Variants in SCN8A observed in about 807,000 individuals in gnomAD.
SCN8A encodes sodium channel protein type 8 subunit alpha.
In SCN8A, 30 loss-of-function variants were observed where a neutral mutation model predicts 184.1. The observed-to-expected ratio is 0.16, with a 90% CI of 0.12 to 0.22. SCN8A has a LOEUF of 0.22. Among genes scored for constraint, SCN8A ranks in the 10% least tolerant of loss-of-function variants. SCN8A has a pLI of 1.00. For synonymous variants in SCN8A, 852 were observed against 907.0 expected (o/e 0.94, Z 1.09); for missense variants, 1,057 against 2,498.9 (o/e 0.42, Z 12.30).
rs1311797709 is a variant in SCN8A, at chr12:51,591,251, G to T, written c.-163G>T. On this transcript the variant is annotated 5_prime_UTR_variant, in exon 1 of 27. Transcript: ENST00000627620. ...CGGGCGCGGGGAGCGCTCCAAGATGGCGCCCACCGCAGTCCCGCCCGCCGC... is the reference window on the plus strand; with the variant it reads ...CGGGCGCGGGGAGCGCTCCAAGATGTCGCCCACCGCAGTCCCGCCCGCCGC... The T allele has an allele frequency of 6.6e-6, 1 of 152,028 alleles. No homozygotes were observed. The highest frequency in any genetic ancestry group is 1.5e-5 in the Non-Finnish European group (1 of 67,866). 9.4% of individuals were successfully genotyped at this position (152,028 alleles called of 1,614,324 possible). A position where few individuals can be genotyped will look rare whatever the true frequency, so the allele number is the denominator to read the frequency against.
At chr12:51,788,594 C>G in intron 22 of SCN8A, 101 bp from the exon 23 acceptor site, 2 of 784,770 alleles carry the variant, frequency 2.5e-6, no homozygotes, top group Non-Finnish European at 1.9e-6. Flanking sequence ...AACCCCTGTT[C>G]TGTGTTCTCA....
intron 1 of SCN8A, among the ~76,000 whole-genome samples, chr12:51,631,688 G>A (rs974593445): frequency 6.6e-6 from 1 of 152,174 alleles, no homozygotes; most frequent in Non-Finnish European, 1.5e-5. Flanking sequence ...GATCTCTGGT[G>A]GTAAAGACCC....
At chr12:51,697,341 A>G (rs1159216543) in intron 6 of SCN8A, among the ~76,000 whole-genome samples, 1 of 152,116 alleles carries the variant, frequency 6.6e-6, no homozygotes, top group East Asian at 1.9e-4. Context: ...CTTTTAAGAT[A>G]TTTGTGTAAG....
Position 51,807,520 on chromosome 12 carries a change from C to A in SCN8A, c.*91C>A. ...CCTGAATATTATCAATGCAGAACAG[C>A]TGTGGAGACTCTAACCTGAAGATCT... On this transcript the variant is annotated 3_prime_UTR_variant, in exon 27 of 27. Transcript: ENST00000627620. The surrounding 1 kb of genome is among the most constrained non-coding windows in gnomAD (Gnocchi z 4.5). 1 of 1,303,522 alleles carries A rather than the reference C, an allele frequency of 7.7e-7. No homozygotes were observed. Among genetic ancestry groups the A allele is most frequent in the Non-Finnish European group, 1.1e-6 (1 of 926,548 alleles). The allele number at this position is 1,303,522 out of a possible 1,614,324, so 80.7% of individuals were successfully genotyped here. A position where few individuals can be genotyped will look rare whatever the true frequency, so the allele number is the denominator to read the frequency against.
At chr12:51,596,315 G>A (rs1010467148) in intron 1 of SCN8A, among the ~76,000 whole-genome samples, 7 of 152,128 alleles carry the variant, frequency 4.6e-5, no homozygotes, top group African/African-American at 1.4e-4. Flanking sequence ...TCTATCAGTC[G>A]ATTGAGAAGG....
At chr12:51,655,555 G>A (rs1940806047) in intron 1 of SCN8A, among the ~76,000 whole-genome samples, 1 of 151,802 alleles carries the variant, frequency 6.6e-6, no homozygotes, top group Non-Finnish European at 1.5e-5. Flanking sequence ...TTTACTTTTT[G>A]TAGAGATGGT....
intron 1 of SCN8A, among the ~76,000 whole-genome samples, chr12:51,633,869 T>A (rs1028023594): frequency 6.6e-6 from 1 of 152,376 alleles, no homozygotes; most frequent in East Asian, 1.9e-4. Flanking sequence ...GTCTTATTTT[T>A]AAAAATATTT....
intron 1 of SCN8A, among the ~76,000 whole-genome samples, chr12:51,647,756 CGTT>C (rs1397268908): frequency 4.6e-5 from 7 of 152,170 alleles, no homozygotes; most frequent in Non-Finnish European, 8.8e-5. Flanking sequence ...CGTAGCATCT[CGTT>C]GTCATTGGAG....
In SCN8A at chr12:51,810,287, C is replaced by T; in HGVS notation, c.*2858C>T. On this transcript the variant is annotated 3_prime_UTR_variant, in exon 27 of 27. Coordinates refer to ENST00000627620, the MANE Select transcript of SCN8A (RefSeq NM_001330260.2). ...AAATGTTTCCCACCTTTTTATCCTT[C>T]ACCCACTGTCCTTCCACCTGCTCAC... The T allele has an allele frequency of 3.9e-6, 1 of 258,994 alleles. No individual in the cohort carries two copies. Among genetic ancestry groups the T allele is most frequent in the South Asian group, 3.0e-5 (1 of 32,954 alleles). The allele number at this position is 258,994 out of a possible 1,614,324, so 16.0% of individuals were successfully genotyped here.
intron 12 of SCN8A, among the ~76,000 whole-genome samples, chr12:51,729,037 T>G (rs1271648065): frequency 1.3e-5 from 2 of 152,222 alleles, no homozygotes; most frequent in Non-Finnish European, 2.9e-5. Context: ...GCGGACTTCC[T>G]CAGTATAGCA....
At chr12:51,689,134 C>A in intron 6 of SCN8A, 38 bp downstream of exon 6, 1 of 1,379,768 alleles carries the variant, frequency 7.2e-7, no homozygotes, top group Non-Finnish European at 1.0e-6. Context: ...TTTGCCACAT[C>A]TCCTCTTTCT....
intron 1 of SCN8A, among the ~76,000 whole-genome samples, chr12:51,623,352 C>A (rs1277322015): frequency 6.6e-6 from 1 of 152,204 alleles, no homozygotes; most frequent in African/African-American, 2.4e-5. Context: ...ATCTTTGACT[C>A]CAACTCAGTA....
At chr12:51,607,464 T>C (rs186715776) in intron 1 of SCN8A, among the ~76,000 whole-genome samples, 260 of 152,310 alleles carry the variant, frequency 1.7e-3, no homozygotes, top group African/African-American at 6.1e-3. Flanking sequence ...CAGTACTATG[T>C]TGAAGACAAG....
intron 1 of SCN8A, among the ~76,000 whole-genome samples, chr12:51,626,782 A>T (rs1940087895): frequency 6.6e-6 from 1 of 150,842 alleles, no homozygotes; most frequent in Admixed American, 6.6e-5. Flanking sequence ...GGATTTTTAA[A>T]AAGATTTATT....
intron 1 of SCN8A, among the ~76,000 whole-genome samples, chr12:51,651,178 A>G (rs1940705706): frequency 2.0e-5 from 3 of 152,196 alleles, no homozygotes; most frequent in Non-Finnish European, 2.9e-5. Context: ...TATGGCCATC[A>G]TAAACATCTC....
In SCN8A at chr12:51,662,898, G is replaced by A. The variant is rs748777974; in HGVS notation, c.81G>A (p.Arg27=). The A allele has an allele frequency of 1.2e-6, 2 of 1,614,026 alleles. No individual in the cohort carries two copies. Among genetic ancestry groups the A allele is most frequent in the Admixed American group, 3.3e-5 (2 of 60,028 alleles). The part of the protein sequence containing the change: ...FTPESLANIE[R]RIAESKLKKP... Reference sequence around the variant, plus strand: ...CTGAGTCACTGGCAAACATTGAGAGGCGCATTGCTGAGAGCAAGCTCAAGA... The same window carrying A: ...CTGAGTCACTGGCAAACATTGAGAGACGCATTGCTGAGAGCAAGCTCAAGA... The change falls in exon 2 of 27, where the codon AGG becomes AGA. Residue 27 remains arginine (R), a synonymous_variant. Coordinates refer to ENST00000627620, the MANE Select transcript of SCN8A (RefSeq NM_001330260.2).
At chr12:51,706,286 C>A in intron 10 of SCN8A, 136 bp from the exon 11 acceptor site, 1 of 773,638 alleles carries the variant, frequency 1.3e-6, no homozygotes. Flanking sequence ...CAGAAACCCT[C>A]TAACAGTCTA....
chr12:51,727,064 G>C (rs779051463), intron 12 of SCN8A, among the ~76,000 whole-genome samples: 1 of 152,182 alleles, frequency 6.6e-6, no homozygotes, highest in African/African-American at 2.4e-5. Flanking sequence ...ACTTCCTTGG[G>C]CAGATCTCTA....
rs1592175327 is a variant in SCN8A at position 51,807,452 on chromosome 12, A to T, written c.*23A>T. 4 of 1,586,678 alleles carry T rather than the reference A, an allele frequency of 2.5e-6. No individual in the cohort carries two copies. The highest frequency in any genetic ancestry group is 3.4e-6 in the Non-Finnish European group (4 of 1,165,382). On this transcript the variant is annotated 3_prime_UTR_variant, in exon 27 of 27. Transcript: ENST00000627620. The surrounding 1 kb of genome is among the most constrained non-coding windows in gnomAD (Gnocchi z 4.5). The stretch of plus-strand genomic sequence containing the variant: ...TAGAGGAGAACAAAAATTCAGTATT[A>T]TACAGATCTAAAACTCGCAAGTGAA...
Sources: allele counts gnomAD v4.1 joint callset (sites outside exome capture counted in the v4.1 genomes callset), GRCh38; gene constraint gnomAD v4.1.1; non-coding constraint Gnocchi (gnomAD v3.1); transcripts MANE v1.5; gene names NCBI Gene and HGNC (gene_info 2026-07-23, HGNC 2026-07-21).